The following FSCN1 variants were observed in gnomAD, a reference collection of about 807,000 sequenced individuals.
The protein encoded by FSCN1 is fascin actin-bundling protein 1.
Under a neutral mutation model 39.7 loss-of-function variants are expected in FSCN1, and 10 were observed. The ratio of observed to expected loss-of-function variants is 0.25; its 90% confidence interval spans 0.16 to 0.43. FSCN1 has a LOEUF of 0.43. FSCN1 is among the 20% of genes least tolerant of loss of function. FSCN1 has a pLI of 1.00. For synonymous variants in FSCN1, 322 were observed against 320.0 expected, an observed-to-expected ratio of 1.01 and a Z score of -0.07; for missense variants, 525 against 723.8, an observed-to-expected ratio of 0.73 and a Z score of 3.15.
In FSCN1 at chr7:5,605,459, G is replaced by C. The variant is rs761790698; in HGVS notation, c.1467G>C (p.Ser489=). ...KASAETVDPA[S]LWEY ...CGGCGGAAACCGTGGACCCCGCCTC[G>C]CTCTGGGAGTACTAGGGCCGGCCCG... Residue 489 remains serine (S), a synonymous_variant, in exon 5 of 5, where the codon TCG becomes TCC. Transcript: ENST00000382361. The surrounding 1 kb of genome is among the most constrained non-coding windows in gnomAD (Gnocchi z 6.9). 3.8e-6 allele frequency: 6 copies of C among 1,583,256 alleles called. No homozygotes were observed. Among genetic ancestry groups the C allele is most frequent in the Non-Finnish European group, 5.2e-6 (6 of 1,164,772 alleles).
At position 5,602,963 on chromosome 7, in the gene FSCN1, G is replaced by A. The variant is rs578163738; in HGVS notation, c.833-294G>A. The A allele has an allele frequency of 9.8e-4, 434 of 441,862 alleles. 1 individual carries two copies. The highest frequency in any genetic ancestry group is 1.9e-3 in the Middle Eastern group (3 of 1,548). 27.4% of individuals were successfully genotyped at this position (441,862 alleles called of 1,614,324 possible). A position where few individuals can be genotyped will look rare whatever the true frequency, so the allele number is the denominator to read the frequency against. ...AGACTCAAACAATCCTCCTGCCTTG[G>A]CCTCCCAAAGTGTTGCGATCACAGG... On this transcript the variant is annotated intron_variant, in intron 1 of 4. Transcript: ENST00000382361.
At chr7:5,595,262 T>C (rs1785709942) in intron 1 of FSCN1, among the ~76,000 whole-genome samples, 1 of 152,192 alleles carries the variant, frequency 6.6e-6, no homozygotes, top group African/African-American at 2.4e-5. Context: ...ATTTTGTGCC[T>C]GAAGTTTGCT....
intron 1 of FSCN1, among the ~76,000 whole-genome samples, chr7:5,597,684 CA>C (rs535461013): frequency 2.1e-5 from 3 of 140,072 alleles, no homozygotes; most frequent in African/African-American, 7.8e-5. Context: ...CAAAACAAAA[CA>C]AAAAAAACAA....
At chr7:5,604,227 G>A (rs1303538177) in intron 4 of FSCN1, among the ~76,000 whole-genome samples, 197 bp downstream of exon 4, 3 of 152,028 alleles carry the variant, frequency 2.0e-5, no homozygotes, top group African/African-American at 7.2e-5. Flanking sequence ...TGTCTGTGTG[G>A]TTGGGGGGAC....
intron 1 of FSCN1, among the ~76,000 whole-genome samples, chr7:5,602,502 T>A (rs996627439): frequency 3.9e-5 from 6 of 152,140 alleles, no homozygotes; most frequent in Non-Finnish European, 8.8e-5. Context: ...CCATTTTTGG[T>A]TGTATTTGAA....
At chr7:5,601,069 G>A (rs1584302371) in intron 1 of FSCN1, among the ~76,000 whole-genome samples, 1 of 151,852 alleles carries the variant, frequency 6.6e-6, no homozygotes, top group South Asian at 2.1e-4. Context: ...GATTACAGGT[G>A]TGGGCCACTG....
At chr7:5,596,979 G>T (rs56113524) in intron 1 of FSCN1, among the ~76,000 whole-genome samples, 11,220 of 152,256 alleles carry the variant, frequency 0.074, 489 homozygotes, top group African/African-American at 0.12. Context: ...GGACCGTTAA[G>T]GCCTGGGGGT....
rs1273770258 is a variant in FSCN1 at position 5,603,573 on chromosome 7, C to T, written c.1067C>T (p.Thr356Ile). Residue 356 changes from threonine (T) to isoleucine (I), a missense_variant, in exon 3 of 5, where the codon ACC becomes ATC. Around this residue, in one of 3 missense-constraint regions of FSCN1, gnomAD observed 275 missense variants for 351.9 expected, o/e 0.78. Coordinates refer to ENST00000382361, the MANE Select transcript of FSCN1 (RefSeq NM_003088.4). This position sits in a 1 kb window ranked among gnomAD's most constrained non-coding sequence, Gnocchi z 8.5. ...AGGGCGTCCAATGGCAAGTTTGTGA[C>T]CTCCAAGAAGAATGGGCAGCTGGCC... is the stretch of plus-strand genomic sequence containing the variant. ...TLRASNGKFVTSKKNGQLAAS... is the reference protein window; with the variant it reads ...TLRASNGKFVISKKNGQLAAS... 6.2e-7 allele frequency: 1 copy of T among 1,614,128 alleles called. No individual in the cohort carries two copies. The highest frequency in any genetic ancestry group is 1.7e-5 in the Admixed American group (1 of 60,012).
intron 1 of FSCN1, 93 bp downstream of exon 1, chr7:5,593,861 G>A (rs1785678527): frequency 1.1e-6 from 1 of 902,300 alleles, no homozygotes; most frequent in African/African-American, 1.7e-5. Context: ...CTCGCTCGCG[G>A]CGCCGCTGCG....
rs1584306085 is a variant in FSCN1, at chr7:5,605,678, C to T, written c.*204C>T. On this transcript the variant is annotated 3_prime_UTR_variant, in exon 5 of 5. Coordinates refer to ENST00000382361, the MANE Select transcript of FSCN1 (RefSeq NM_003088.4). The surrounding 1 kb of genome is among the most constrained non-coding windows in gnomAD (Gnocchi z 6.9). ...CTCCGCCCGGGTTCCCTACTCCCCT[C>T]GGGTCAGCGGCTGCGGCCTGGCCCT... The T allele has an allele frequency of 2.0e-5, 11 of 561,976 alleles. No homozygotes were observed. The South Asian group carries it at 2.1e-4, about 11-fold the overall frequency. The allele number at this position is 561,976 out of a possible 1,614,324, so 34.8% of individuals were successfully genotyped here. A position where few individuals can be genotyped will look rare whatever the true frequency, so the allele number is the denominator to read the frequency against.
At chr7:5,596,030 CG>C (rs1429302357) in intron 1 of FSCN1, among the ~76,000 whole-genome samples, 4 of 100,622 alleles carry the variant, frequency 4.0e-5, no homozygotes, top group African/African-American at 1.6e-4. Flanking sequence ...TGGGACGGCG[CG>C]GGGGTGGGGG....
At position 5,593,692 on chromosome 7, in the gene FSCN1, G is replaced by C. The variant is rs1049148565; in HGVS notation, c.756G>C (p.Glu252Asp). The C allele has an allele frequency of 1.0e-5, 16 of 1,592,188 alleles. No homozygotes were observed. The highest frequency in any genetic ancestry group is 1.2e-5 in the Non-Finnish European group (14 of 1,175,822). The change falls in exon 1 of 5, where the codon GAG becomes GAC. Residue 252 changes from glutamate to aspartate, a missense_variant. Glu to Asp is a conservative substitution (Grantham distance 45, BLOSUM62 2). Around this residue, in one of 3 missense-constraint regions of FSCN1, gnomAD observed 275 missense variants for 351.9 expected, o/e 0.78. Coordinates refer to ENST00000382361, the MANE Select transcript of FSCN1 (RefSeq NM_003088.4). Reference protein sequence around the residue: ...AGKATKVGKDELFALEQSCAQ... With the variant: ...AGKATKVGKDDLFALEQSCAQ... ...AGGCCACCAAGGTGGGCAAGGACGA[G>C]CTCTTTGCTCTGGAGCAGAGCTGCG...
Position 5,593,662 on chromosome 7 carries a change from G to T in FSCN1, c.726G>T (p.Ala242=). The T allele has an allele frequency of 1.3e-6, 2 of 1,584,576 alleles. No homozygotes were observed. The highest frequency in any genetic ancestry group is 1.7e-6 in the Non-Finnish European group (2 of 1,172,390). The change falls in exon 1 of 5, where the codon GCG becomes GCT. Residue 242 remains alanine (A), a synonymous_variant. Coordinates refer to ENST00000382361, the MANE Select transcript of FSCN1 (RefSeq NM_003088.4). ...APSGPSGTLK[A]GKATKVGKDE... ...CGGGGCCCAGCGGCACGCTCAAGGC[G>T]GGCAAGGCCACCAAGGTGGGCAAGG...
At chr7:5,604,656 ATTAT>A (rs145675639) in intron 4 of FSCN1, among the ~76,000 whole-genome samples, 7,888 of 146,598 alleles carry the variant, frequency 0.054, 199 homozygotes, top group South Asian at 0.06. Context: ...TTTAAAATTT[ATTAT>A]TTATTTATTT....
At chr7:5,604,063 G>T in intron 4 of FSCN1, 33 bp downstream of exon 4, 2 of 1,603,938 alleles carry the variant, frequency 1.2e-6, no homozygotes, top group Non-Finnish European at 1.7e-6. Flanking sequence ...GCTGGGCAGG[G>T]AACCCCTCGG....
In FSCN1 at chr7:5,603,756, TG is replaced by T; in HGVS notation, c.1112-103del. On this transcript the variant is annotated intron_variant, in intron 3 of 4. Coordinates refer to ENST00000382361, the MANE Select transcript of FSCN1 (RefSeq NM_003088.4). This position sits in a 1 kb window ranked among gnomAD's most constrained non-coding sequence, Gnocchi z 8.5. ...GGACTGGCCCCGCACTGTCCTACCCTGGGGACTGCTGTGTGACCCCAGCTCC... is the reference window on the plus strand; with the variant it reads ...GGACTGGCCCCGCACTGTCCTACCCTGGGACTGCTGTGTGACCCCAGCTCC... The T allele has an allele frequency of 7.0e-7, 1 of 1,430,026 alleles. No homozygotes were observed. Among genetic ancestry groups the T allele is most frequent in the Non-Finnish European group, 9.6e-7 (1 of 1,041,282 alleles). 88.6% of individuals were successfully genotyped at this position (1,430,026 alleles called of 1,614,324 possible). A position where few individuals can be genotyped will look rare whatever the true frequency, so the allele number is the denominator to read the frequency against.
In FSCN1 at chr7:5,599,816, A is replaced by AG. The variant is rs1378303465; in HGVS notation, c.833-3441_833-3440insG. Among the ~76,000 whole-genome samples the AG allele has an allele frequency of 6.6e-6, 1 of 151,738 alleles. No individual in the cohort carries two copies. Among genetic ancestry groups the AG allele is most frequent in the Non-Finnish European group, 1.5e-5 (1 of 67,888 alleles). On this transcript the variant is annotated intron_variant, in intron 1 of 4. Transcript: ENST00000382361. The surrounding 1 kb of genome is among the most constrained non-coding windows in gnomAD (Gnocchi z 5.6). ...AGCAAGACCCTATCTCTAAAAAAAA[A>AG]ATGGAATTGAGGATGTGTCCTCTGG...
Position 5,593,285 on chromosome 7 carries a change from G to A in FSCN1, c.349G>A (p.Asp117Asn). The A allele has an allele frequency of 6.2e-7, 1 of 1,610,164 alleles. No homozygotes were observed. The highest frequency in any genetic ancestry group is 1.1e-5 in the South Asian group (1 of 90,846). ...CCGGCGCTACTTCGGCGGCACCGAGGACCGCCTGTCCTGCTTCGCGCAGAC... is the reference window on the plus strand; with the variant it reads ...CCGGCGCTACTTCGGCGGCACCGAGAACCGCCTGTCCTGCTTCGCGCAGAC... ...AHRRYFGGTE[D>N]RLSCFAQTVS... is the part of the protein sequence containing the mutation. Residue 117 changes from aspartate (D) to asparagine (N), a missense_variant, in exon 1 of 5, where the codon GAC becomes AAC. Around this residue, in one of 3 missense-constraint regions of FSCN1, gnomAD observed 246 missense variants for 350.6 expected, o/e 0.70. Transcript: ENST00000382361.
chr7:5,600,956 T>TC (rs1785818945), intron 1 of FSCN1, among the ~76,000 whole-genome samples: 1 of 131,640 alleles, frequency 7.6e-6, no homozygotes, highest in Non-Finnish European at 1.6e-5. Flanking sequence ...GCCTGGTCCT[T>TC]TTTTTTGTAT....
Sources: allele counts gnomAD v4.1 joint callset (sites outside exome capture counted in the v4.1 genomes callset), GRCh38; gene constraint gnomAD v4.1.1; regional missense constraint gnomAD v4.1.1; non-coding constraint Gnocchi (gnomAD v3.1); transcripts MANE v1.5; gene names NCBI Gene and HGNC (gene_info 2026-07-23, HGNC 2026-07-21).